Variants in CCDC85A observed in about 807,000 individuals in gnomAD.
The protein encoded by CCDC85A is coiled-coil domain-containing protein 85A.
CCDC85A carries 38 observed loss-of-function variants against 50.2 expected under a neutral mutation model. That is an observed-to-expected ratio of 0.76 (90% confidence interval 0.58 to 0.99). CCDC85A has a LOEUF of 0.99. Among genes scored for constraint, CCDC85A ranks in the 50% least tolerant of loss-of-function variants. CCDC85A has a pLI of 0.00. For synonymous variants in CCDC85A, 366 were observed against 301.4 expected, an observed-to-expected ratio of 1.21 and a Z score of -2.22; for missense variants, 820 against 742.0, an observed-to-expected ratio of 1.11 and a Z score of -1.22.
At chr2:56,370,130 C>T (rs1158670963) in intron 3 of CCDC85A, among the ~76,000 whole-genome samples, 3 of 152,036 alleles carry the variant, frequency 2.0e-5, no homozygotes, top group East Asian at 3.8e-4. Context: ...TAGGAAGTGA[C>T]GATCTTAAGA....
chr2:56,313,797 C>T (rs214035), intron 2 of CCDC85A, among the ~76,000 whole-genome samples: 151,837 of 151,980 alleles, frequency 1, 75,847 homozygotes, highest in Middle Eastern at 1. Context: ...GCAGAAGGAA[C>T]AGGGGTGGGA....
intron 2 of CCDC85A, among the ~76,000 whole-genome samples, chr2:56,203,993 C>G (rs1198900137): frequency 1.3e-5 from 2 of 152,090 alleles, no homozygotes; most frequent in Admixed American, 1.3e-4. Flanking sequence ...TGCTGTGTAG[C>G]CTTTAGTACA....
At chr2:56,226,510 A>C (rs190374085) in intron 2 of CCDC85A, among the ~76,000 whole-genome samples, 1 of 149,462 alleles carries the variant, frequency 6.7e-6, no homozygotes, top group Non-Finnish European at 1.5e-5. Context: ...ACTATGTCAT[A>C]TTTTTTTTTT....
intron 2 of CCDC85A, among the ~76,000 whole-genome samples, chr2:56,233,266 C>T (rs921118715): frequency 4.0e-5 from 6 of 150,690 alleles, no homozygotes; most frequent in African/African-American, 1.5e-4. Flanking sequence ...AGTCAAATTA[C>T]ATAACAGGGG....
chr2:56,381,410 G>A (rs1676579387), intron 5 of CCDC85A, among the ~76,000 whole-genome samples: 1 of 152,008 alleles, frequency 6.6e-6, no homozygotes, highest in Non-Finnish European at 1.5e-5. Context: ...GAGCCATAGA[G>A]GTCATTCTCC....
intron 3 of CCDC85A, among the ~76,000 whole-genome samples, chr2:56,367,297 T>C (rs144653157): frequency 1.1e-3 from 162 of 152,294 alleles, no homozygotes; most frequent in Non-Finnish European, 1.8e-3. Context: ...GTTTCTTTTA[T>C]TGGAGTAATT....
intron 2 of CCDC85A, among the ~76,000 whole-genome samples, chr2:56,278,328 A>T (rs1286955359): frequency 6.6e-6 from 1 of 151,166 alleles, no homozygotes; most frequent in Non-Finnish European, 1.5e-5. Context: ...AAATGGTTTT[A>T]TTTATTCTTC....
At chr2:56,300,973 G>A (rs1672176419) in intron 2 of CCDC85A, among the ~76,000 whole-genome samples, 1 of 152,048 alleles carries the variant, frequency 6.6e-6, no homozygotes, top group Non-Finnish European at 1.5e-5. Context: ...TAAGTAATCT[G>A]GATTTTGAAA....
At chr2:56,362,030 G>C (rs1347624437) in intron 3 of CCDC85A, among the ~76,000 whole-genome samples, 1 of 152,080 alleles carries the variant, frequency 6.6e-6, no homozygotes, top group Non-Finnish European at 1.5e-5. Flanking sequence ...TAGAGCTAAG[G>C]GTGCTTAATG....
chr2:56,294,102 C>G (rs1054516415), intron 2 of CCDC85A, among the ~76,000 whole-genome samples: 1 of 152,066 alleles, frequency 6.6e-6, no homozygotes, highest in African/African-American at 2.4e-5. Flanking sequence ...GAATATTGTG[C>G]AACCATAAAA....
At chr2:56,316,387 A>G (rs1201268623) in intron 2 of CCDC85A, among the ~76,000 whole-genome samples, 1 of 152,090 alleles carries the variant, frequency 6.6e-6, no homozygotes. Context: ...TCTGTTTTAT[A>G]CTGGGTCTGA....
intron 2 of CCDC85A, among the ~76,000 whole-genome samples, chr2:56,223,821 T>A (rs1377582778): frequency 6.6e-6 from 1 of 152,156 alleles, no homozygotes; most frequent in Non-Finnish European, 1.5e-5. Context: ...TGAAAAGATA[T>A]GAGGGATCAG....
rs72919102 is a variant in CCDC85A, at chr2:56,240,081, C to T, written c.1240+46641C>T. Among the ~76,000 whole-genome samples the T allele has an allele frequency of 1.6e-3, 248 of 152,228 alleles. 1 individual carries two copies. Among genetic ancestry groups the T allele is most frequent in the African/African-American group, 5.7e-3 (237 of 41,562 alleles). ...AATTAAGTGGTTTTAAGTATATTCA[C>T]AGAGTTGTACAATGATCATCACTAT... is the stretch of plus-strand genomic sequence containing the variant. On this transcript the variant is annotated intron_variant, in intron 2 of 5. Coordinates refer to ENST00000407595, the MANE Select transcript of CCDC85A (RefSeq NM_001080433.2).
At chr2:56,198,045 A>T (rs1443399577) in intron 2 of CCDC85A, among the ~76,000 whole-genome samples, 1 of 152,136 alleles carries the variant, frequency 6.6e-6, no homozygotes, top group Non-Finnish European at 1.5e-5. Context: ...GGTTTCACCC[A>T]GAGTTTTAAG....
intron 2 of CCDC85A, among the ~76,000 whole-genome samples, chr2:56,277,429 AT>A (rs11305389): frequency 0.24 from 32,642 of 136,510 alleles, 3,542 homozygotes; most frequent in African/African-American, 0.34. Context: ...GCATGGACAC[AT>A]TAAACATAGA....
intron 2 of CCDC85A, among the ~76,000 whole-genome samples, chr2:56,250,397 C>T (rs1669701008): frequency 6.6e-6 from 1 of 152,122 alleles, no homozygotes; most frequent in South Asian, 2.1e-4. Context: ...AGTTAGAAAA[C>T]AAAGTAAACT....
chr2:56,267,349 T>C (rs994107949), intron 2 of CCDC85A, among the ~76,000 whole-genome samples: 6 of 152,174 alleles, frequency 3.9e-5, no homozygotes, highest in Non-Finnish European at 7.3e-5. Flanking sequence ...CCAACACGAC[T>C]AGGATCTATG....
intron 2 of CCDC85A, among the ~76,000 whole-genome samples, chr2:56,292,022 C>G (rs949025418): frequency 6.6e-6 from 1 of 152,070 alleles, no homozygotes; most frequent in Non-Finnish European, 1.5e-5. Context: ...AAAACAAATG[C>G]CTGAGTTAAA....
chr2:56,318,456 T>A (rs1673017028), intron 2 of CCDC85A, among the ~76,000 whole-genome samples: 1 of 152,132 alleles, frequency 6.6e-6, no homozygotes, highest in Non-Finnish European at 1.5e-5. Context: ...AGAGGCCTAG[T>A]CTGATCATCC....
Sources: allele counts gnomAD v4.1 joint callset (sites outside exome capture counted in the v4.1 genomes callset), GRCh38; gene constraint gnomAD v4.1.1; transcripts MANE v1.5; gene names NCBI Gene and HGNC (gene_info 2026-07-23, HGNC 2026-07-21).